The following ZCWPW2 variants were observed in gnomAD, a reference collection of about 807,000 sequenced individuals.
ZCWPW2 encodes the protein zinc finger CW-type PWWP domain protein 2.
Under a neutral mutation model 46.6 loss-of-function variants are expected in ZCWPW2, and 45 were observed. The ratio of observed to expected loss-of-function variants is 0.96; its 90% CI spans 0.76 to 1.24. ZCWPW2 has a LOEUF of 1.24. ZCWPW2 is among the 50% of genes most tolerant of loss of function. ZCWPW2 has a pLI of 0.00. For missense variants in ZCWPW2, 429 were observed against 403.9 expected (o/e 1.06, Z -0.53); for synonymous variants, 152 against 137.1 (o/e 1.11, Z -0.76).
intron 8 of ZCWPW2, among the ~76,000 whole-genome samples, chr3:28,519,020 C>T (rs979807818): frequency 6.6e-6 from 1 of 152,088 alleles, no homozygotes; most frequent in Non-Finnish European, 1.5e-5. Context: ...AATAAACTCC[C>T]CAGGTGATTA....
intron 6 of ZCWPW2, chr3:28,511,277 A>G (rs1054346053): frequency 1.6e-5 from 3 of 183,488 alleles, no homozygotes; most frequent in Non-Finnish European, 3.6e-5. Flanking sequence ...CATGGGAACT[A>G]ATAGCTTAAA....
At chr3:28,369,124 G>A (rs972807358) in intron 1 of ZCWPW2, among the ~76,000 whole-genome samples, 1 of 152,090 alleles carries the variant, frequency 6.6e-6, no homozygotes, top group Non-Finnish European at 1.5e-5. Flanking sequence ...TTAGCTCGGA[G>A]TAGTTTGATC....
At chr3:28,479,845 A>C (rs1489432672) in intron 5 of ZCWPW2, among the ~76,000 whole-genome samples, 1 of 152,084 alleles carries the variant, frequency 6.6e-6, no homozygotes, top group Non-Finnish European at 1.5e-5. Flanking sequence ...CCTGCAAAGG[A>C]CTCATCTCAC....
chr3:28,472,586 A>G (rs1047467473), intron 4 of ZCWPW2, among the ~76,000 whole-genome samples: 1 of 152,200 alleles, frequency 6.6e-6, no homozygotes, highest in Admixed American at 6.5e-5. Context: ...TGGATTAAAG[A>G]CTAAAATCTA....
chr3:28,481,581 G>A (rs13070954), intron 5 of ZCWPW2, among the ~76,000 whole-genome samples: 59,829 of 151,878 alleles, frequency 0.39, 12,184 homozygotes, highest in East Asian at 0.6. Flanking sequence ...TAGTGATTAT[G>A]ATCATTTTAT....
At chr3:28,514,512 G>C (rs895356252) in intron 7 of ZCWPW2, among the ~76,000 whole-genome samples, 1 of 152,128 alleles carries the variant, frequency 6.6e-6, no homozygotes, top group Non-Finnish European at 1.5e-5. Context: ...ACCAGGATAA[G>C]GGGCCAAAGG....
chr3:28,370,985 G>A (rs1056824125), intron 1 of ZCWPW2, among the ~76,000 whole-genome samples: 1 of 152,052 alleles, frequency 6.6e-6, no homozygotes, highest in Non-Finnish European at 1.5e-5. Context: ...GCCTGCCTCA[G>A]CTTCCCAAAG....
chr3:28,502,063 C>T (rs1700156960), intron 6 of ZCWPW2, among the ~76,000 whole-genome samples: 1 of 152,122 alleles, frequency 6.6e-6, no homozygotes, highest in Non-Finnish European at 1.5e-5. Flanking sequence ...GCCCTATGCT[C>T]AAAATCTGTA....
rs568581113 is a variant in ZCWPW2, at chr3:28,431,337, G to T, written c.333-3773G>T. Reference sequence around the variant, plus strand: ...CACAGACTGGGTGGCTTAAACAACAGAAATTTATTTTCTCAGTTCTGGAGG... The same window carrying T: ...CACAGACTGGGTGGCTTAAACAACATAAATTTATTTTCTCAGTTCTGGAGG... On this transcript the variant is annotated intron_variant, in intron 3 of 9. Transcript: ENST00000383768. Among the ~76,000 whole-genome samples the T allele has an allele frequency of 1.8e-4, 28 of 152,200 alleles. No individual in the cohort carries two copies. The South Asian group carries it at 3.3e-3, about 18-fold the overall frequency.
At chr3:28,506,122 A>G (rs1460958363) in intron 6 of ZCWPW2, among the ~76,000 whole-genome samples, 1 of 147,524 alleles carries the variant, frequency 6.8e-6, no homozygotes, top group Non-Finnish European at 1.5e-5. Flanking sequence ...TTTAACAAAT[A>G]TATATTTTTA....
chr3:28,389,657 AG>A (rs1283059855), intron 1 of ZCWPW2, among the ~76,000 whole-genome samples: 1 of 152,206 alleles, frequency 6.6e-6, no homozygotes, highest in Non-Finnish European at 1.5e-5. Context: ...AACAATTCCC[AG>A]TACCAGAATC....
At chr3:28,361,840 A>T (rs935755556) in intron 1 of ZCWPW2, among the ~76,000 whole-genome samples, 1 of 152,160 alleles carries the variant, frequency 6.6e-6, no homozygotes, top group Non-Finnish European at 1.5e-5. Context: ...CATACCTGTT[A>T]GGATGGCTAT....
At chr3:28,349,237 C>T (rs948870664) in intron 1 of ZCWPW2, 34 bp downstream of exon 1, 10 of 981,368 alleles carry the variant, frequency 1.0e-5, no homozygotes, top group Non-Finnish European at 1.1e-5. Context: ...GTCTGTTGGG[C>T]CGAGGTCCCC....
chr3:28,486,633 T>G (rs1292079307), intron 5 of ZCWPW2, among the ~76,000 whole-genome samples: 1 of 152,116 alleles, frequency 6.6e-6, no homozygotes, highest in African/African-American at 2.4e-5. Flanking sequence ...CCCAGCACTT[T>G]GGGAGGCTGA....
rs1261865324 is a variant in ZCWPW2 at position 28,525,965 on chromosome 3, A to T, written c.*1277A>T. 1.3e-5 allele frequency among the ~76,000 whole-genome samples: 2 copies of T among 152,126 alleles called. No individual in the cohort carries two copies. The highest frequency in any genetic ancestry group is 4.8e-5 in the African/African-American group (2 of 41,442). On this transcript the variant is annotated 3_prime_UTR_variant, in exon 10 of 10. Transcript: ENST00000383768. ...TATAACCAGTAAATAGAAGGCCTGG[A>T]AGTTGAGTACATCTCTGTCAGGTTC...
rs553458872 is a variant in ZCWPW2 at position 28,506,146 on chromosome 3, G to A, written c.658-7918G>A. On this transcript the variant is annotated intron_variant, in intron 6 of 9. Transcript: ENST00000383768. ...TATATATTTTTAATATATATATATA[G>A]TCTTTCCATGTAACCACATTGTTTT... Among the ~76,000 whole-genome samples the A allele has an allele frequency of 9.5e-5, 14 of 146,776 alleles. No individual in the cohort carries two copies. The East Asian group carries it at 2.6e-3, about 27-fold the overall frequency.
At chr3:28,355,452 C>T (rs138149843) in intron 1 of ZCWPW2, among the ~76,000 whole-genome samples, 753 of 152,224 alleles carry the variant, frequency 4.9e-3, no homozygotes, top group African/African-American at 0.017. Context: ...TCAATGTCAT[C>T]CCCATCAAGC....
chr3:28,506,689 C>G (rs1441463820), intron 6 of ZCWPW2, among the ~76,000 whole-genome samples: 1 of 152,008 alleles, frequency 6.6e-6, no homozygotes, highest in East Asian at 1.9e-4. Flanking sequence ...GATTTCTATC[C>G]TATATTACTA....
chr3:28,444,284 T>G (rs1405219797), intron 4 of ZCWPW2, among the ~76,000 whole-genome samples: 1 of 152,142 alleles, frequency 6.6e-6, no homozygotes, highest in Non-Finnish European at 1.5e-5. Flanking sequence ...CTACCAGGAC[T>G]TTAGTCTAGT....
Sources: allele counts gnomAD v4.1 joint callset (sites outside exome capture counted in the v4.1 genomes callset), GRCh38; gene constraint gnomAD v4.1.1; transcripts MANE v1.5; gene names NCBI Gene and HGNC (gene_info 2026-07-23, HGNC 2026-07-21).